The following NUDT9 variants were observed in gnomAD, a reference collection of about 807,000 sequenced individuals.
The protein encoded by NUDT9 is ADP-ribose pyrophosphatase.
In NUDT9, 31 loss-of-function variants were observed where a neutral mutation model predicts 41.0. That is an observed-to-expected ratio of 0.76 (90% CI 0.57 to 1.02). NUDT9 has a LOEUF of 1.02. NUDT9 is among the 50% of genes least tolerant of loss of function. NUDT9 has a pLI of 0.00. For missense variants in NUDT9, 380 were observed against 431.4 expected (o/e 0.88, Z 1.06); for synonymous variants, 146 against 147.6 (o/e 0.99, Z 0.08).
intron 3 of NUDT9, among the ~76,000 whole-genome samples, chr4:87,440,164 G>C (rs530437677): frequency 6.6e-6 from 1 of 152,292 alleles, no homozygotes; most frequent in Admixed American, 6.5e-5. Context: ...AGATGGAAAT[G>C]CAAGATAGAT....
In NUDT9 at chr4:87,457,880, T is replaced by C. The variant is rs1216077696; in HGVS notation, c.912T>C (p.Asp304=). Residue 304 remains aspartate, a synonymous_variant, in exon 8 of 8, where the codon GAT becomes GAC. Transcript: ENST00000302174. Reference sequence around the variant, plus strand: ...ATAATCTTATGCTAGAAGCTGGAGATGATGCTGGAAAAGTGAAATGGGTGG... The same window carrying C: ...ATAATCTTATGCTAGAAGCTGGAGACGATGCTGGAAAAGTGAAATGGGTGG... ...IMDNLMLEAG[D]DAGKVKWVDI... 5 of 1,611,290 alleles carry C rather than the reference T, an allele frequency of 3.1e-6. No individual in the cohort carries two copies. Among genetic ancestry groups the C allele is most frequent in the African/African-American group, 2.7e-5 (2 of 74,600 alleles).
intron 1 of NUDT9, among the ~76,000 whole-genome samples, chr4:87,430,784 TTTG>T (rs1359511680): frequency 4.6e-5 from 7 of 152,130 alleles, no homozygotes; most frequent in African/African-American, 9.7e-5. Flanking sequence ...ATTGGGTTGT[TTTG>T]TTGTTGTTGT....
intron 5 of NUDT9, 76 bp downstream of exon 5, chr4:87,449,329 C>G: frequency 1.3e-6 from 1 of 791,356 alleles, no homozygotes; most frequent in Admixed American, 2.1e-5. Flanking sequence ...GTTTGTGAAT[C>G]TTTTCTATTC....
At position 87,422,930 on chromosome 4, in the gene NUDT9, G is replaced by C. The variant is rs149218317; in HGVS notation, c.25G>C (p.Ala9Pro). 5.5e-5 allele frequency: 89 copies of C among 1,611,934 alleles called. No individual in the cohort carries two copies. The highest frequency in any genetic ancestry group is 7.4e-5 in the Non-Finnish European group (87 of 1,179,784). The change falls in exon 1 of 8, where the codon GCT (alanine) becomes CCT (proline). Residue 9 changes from alanine (A) to proline (P), a missense_variant. Ala to Pro is a conservative substitution (Grantham distance 27). Transcript: ENST00000302174. Reference sequence around the variant, plus strand: ...CATGGCGGGACGCCTCCTGGGAAAGGCTTTAGCCGCGGTGTCTCTCTCTCT... The same window carrying C: ...CATGGCGGGACGCCTCCTGGGAAAGCCTTTAGCCGCGGTGTCTCTCTCTCT... MAGRLLGK[A>P]LAAVSLSLAL...
At position 87,422,850 on chromosome 4, in the gene NUDT9, G is replaced by A. The variant is rs1721191710; in HGVS notation, c.-56G>A. 1.4e-6 allele frequency: 2 copies of A among 1,389,232 alleles called. No homozygotes were observed. Among genetic ancestry groups the A allele is most frequent in the South Asian group, 1.2e-5 (1 of 84,674 alleles). The allele number at this position is 1,389,232 out of a possible 1,614,324, so 86.1% of individuals were successfully genotyped here. On this transcript the variant is annotated 5_prime_UTR_variant, in exon 1 of 8. Transcript: ENST00000302174. ...GACTCGGAGCTGTGGGGTGTGGGGA[G>A]GCGGAGGCACCAACTAAGAGCGACC...
At chr4:87,438,697 T>C (rs1722064805) in intron 3 of NUDT9, among the ~76,000 whole-genome samples, 1 of 152,218 alleles carries the variant, frequency 6.6e-6, no homozygotes, top group Non-Finnish European at 1.5e-5. Flanking sequence ...ATTTATTAAA[T>C]GGTATAGTAT....
chr4:87,453,868 T>C (rs1722868235), intron 6 of NUDT9, among the ~76,000 whole-genome samples: 1 of 150,400 alleles, frequency 6.6e-6, no homozygotes, highest in African/African-American at 2.4e-5. Flanking sequence ...TTTCTTTTTT[T>C]TTTTTTTTGA....
chr4:87,435,264 G>T (rs1721879508), intron 2 of NUDT9, 44 bp downstream of exon 2: 2 of 1,553,050 alleles, frequency 1.3e-6, no homozygotes, highest in African/African-American at 2.8e-5. Flanking sequence ...GACTTTTAGA[G>T]AAGGTAATGG....
At chr4:87,430,796 G>C (rs1721653074) in intron 1 of NUDT9, among the ~76,000 whole-genome samples, 1 of 152,032 alleles carries the variant, frequency 6.6e-6, no homozygotes, top group South Asian at 2.1e-4. Flanking sequence ...TGTTGTTGTT[G>C]TGTGTAGGAG....
chr4:87,450,940 C>G (rs190984690), intron 5 of NUDT9, among the ~76,000 whole-genome samples: 1 of 152,250 alleles, frequency 6.6e-6, no homozygotes, highest in East Asian at 1.9e-4. Context: ...TTGGTGCTCC[C>G]ATTCCAGTTG....
intron 7 of NUDT9, among the ~76,000 whole-genome samples, chr4:87,456,149 G>A (rs568564778): frequency 6.6e-6 from 1 of 152,298 alleles, no homozygotes; most frequent in East Asian, 1.9e-4. Context: ...ATTAAATGAG[G>A]TCTGAAGCAT....
chr4:87,448,961 C>T (rs1447930955), intron 4 of NUDT9, among the ~76,000 whole-genome samples, 181 bp from the exon 5 acceptor site: 2 of 151,950 alleles, frequency 1.3e-5, no homozygotes, highest in Non-Finnish European at 2.9e-5. Context: ...TGGTTTGTAA[C>T]AGTGATGAAT....
At chr4:87,450,733 A>G (rs1412024035) in intron 5 of NUDT9, among the ~76,000 whole-genome samples, 1 of 152,208 alleles carries the variant, frequency 6.6e-6, no homozygotes, top group Admixed American at 6.5e-5. Context: ...GTTGAAAGCA[A>G]TAACGTAATA....
intron 4 of NUDT9, among the ~76,000 whole-genome samples, chr4:87,443,157 T>C (rs1722287603): frequency 6.6e-6 from 1 of 152,148 alleles, no homozygotes; most frequent in Non-Finnish European, 1.5e-5. Flanking sequence ...CATTAGGTGA[T>C]AGGAATGTTT....
intron 7 of NUDT9, among the ~76,000 whole-genome samples, chr4:87,457,345 C>T (rs1407757172): frequency 6.8e-6 from 1 of 147,388 alleles, no homozygotes; most frequent in Non-Finnish European, 1.5e-5. Flanking sequence ...AGACAATTCT[C>T]TTGCCTCAGC....
intron 4 of NUDT9, among the ~76,000 whole-genome samples, chr4:87,444,968 C>T (rs949526343): frequency 4.6e-5 from 7 of 152,054 alleles, no homozygotes; most frequent in African/African-American, 1.7e-4. Flanking sequence ...ATGAGTTCCT[C>T]TAAATAGATG....
intron 1 of NUDT9, among the ~76,000 whole-genome samples, chr4:87,430,425 C>T (rs1392181338): frequency 5.3e-5 from 8 of 152,242 alleles, no homozygotes; most frequent in Admixed American, 5.2e-4. Flanking sequence ...ACATTATATA[C>T]ATGCACTGAA....
chr4:87,431,666 G>T (rs1356197237), intron 1 of NUDT9, among the ~76,000 whole-genome samples: 1 of 152,014 alleles, frequency 6.6e-6, no homozygotes, highest in Non-Finnish European at 1.5e-5. Flanking sequence ...CTATGCTATT[G>T]TAAGTAGAAT....
intron 2 of NUDT9, among the ~76,000 whole-genome samples, chr4:87,437,703 G>A (rs752622916): frequency 3.3e-5 from 5 of 152,056 alleles, no homozygotes; most frequent in Non-Finnish European, 7.4e-5. Context: ...CATTTACATA[G>A]CTCTGTAAAC....
Sources: allele counts gnomAD v4.1 joint callset (sites outside exome capture counted in the v4.1 genomes callset), GRCh38; gene constraint gnomAD v4.1.1; transcripts MANE v1.5; gene names NCBI Gene and HGNC (gene_info 2026-07-23, HGNC 2026-07-21).